The following PAK4 variants were observed in gnomAD, a reference collection of about 807,000 sequenced individuals.
PAK4 encodes serine/threonine-protein kinase PAK 4.
In PAK4, 49 loss-of-function variants were observed where a neutral mutation model predicts 53.5. The ratio of observed to expected loss-of-function variants is 0.92; its 90% confidence interval spans 0.73 to 1.16. PAK4 has a LOEUF of 1.16. PAK4 is among the 50% of genes most tolerant of loss of function. The pLI is 0.00. For missense variants in PAK4, 824 were observed against 850.7 expected (o/e 0.97, Z 0.39); for synonymous variants, 376 against 375.6 (o/e 1.00, Z -0.01).
At chr19:39,176,669 A>G in exon 7 of PAK4, 2 of 1,613,036 alleles carry the variant, frequency 1.2e-6, no homozygotes, top group Non-Finnish European at 1.7e-6. Flanking sequence ...GGCACGCCCT[A>G]CTGGATGGCC....
downstream of PAK4, chr19:39,181,620 CCCTT>C (rs2074701335): frequency 6.6e-6 from 1 of 152,372 alleles, no homozygotes; most frequent in Non-Finnish European, 1.5e-5. Flanking sequence ...TCCTGGCAGA[CCCTT>C]CCTGACCCCA....
intron 1 of PAK4, among the ~76,000 whole-genome samples, chr19:39,151,794 A>C (rs1355806696): frequency 6.6e-6 from 1 of 152,196 alleles, no homozygotes; most frequent in Non-Finnish European, 1.5e-5. Context: ...TTTTTTTGAG[A>C]TGGACTCTCT....
At chr19:39,139,186 G>C (rs565620811) in intron 1 of PAK4, among the ~76,000 whole-genome samples, 107 of 152,316 alleles carry the variant, frequency 7.0e-4, no homozygotes, top group Non-Finnish European at 1.1e-3. Flanking sequence ...TATTCTGTGG[G>C]TCTTGGCTTA....
intron 1 of PAK4, among the ~76,000 whole-genome samples, chr19:39,160,076 A>G (rs1440709901): frequency 6.6e-6 from 1 of 152,210 alleles, no homozygotes; most frequent in Non-Finnish European, 1.5e-5. Flanking sequence ...GGGCGTTCAC[A>G]GTGGGGGTAC....
exon 2 of PAK4, chr19:39,169,648 T>C (rs1369491877): frequency 6.2e-7 from 1 of 1,613,102 alleles, no homozygotes. Context: ...GAGCAGAAGT[T>C]CACGGGGCTG....
chr19:39,159,078 A>G (rs1262233333), intron 1 of PAK4, among the ~76,000 whole-genome samples: 4 of 152,186 alleles, frequency 2.6e-5, no homozygotes, highest in South Asian at 4.1e-4. Context: ...GGTAGGGACT[A>G]TCACTACCCC....
intron 1 of PAK4, among the ~76,000 whole-genome samples, chr19:39,140,717 T>C (rs1010808971): frequency 3.3e-5 from 5 of 152,202 alleles, no homozygotes. Flanking sequence ...CCTACCCCTC[T>C]CCAGCGAAGG....
chr19:39,138,468 C>A (rs971984409), intron 1 of PAK4, among the ~76,000 whole-genome samples: 2 of 152,364 alleles, frequency 1.3e-5, no homozygotes, highest in Middle Eastern at 3.4e-3. Context: ...AATCCATGAA[C>A]GTGGTATGTC....
In PAK4 at chr19:39,173,147, G is replaced by A. The variant is rs751472331; in HGVS notation, c.434G>A (p.Gly145Asp). ...CGGTTCGCCGGTCACAGCGAGGCGG[G>A]TGGCGGCAGTGGTGACAGGCGACGG... The change falls in exon 3 of 9, where the codon GGT becomes GAT. Residue 145 changes from glycine (G) to aspartate (D), a missense_variant. Physicochemically the swap from Gly to Asp is moderately conservative, Grantham distance 94. Coordinates refer to ENST00000358301, the Ensembl canonical transcript of PAK4. This position sits in a 1 kb window ranked among gnomAD's most constrained non-coding sequence, Gnocchi z 6.9. The A allele has an allele frequency of 2.4e-5, 37 of 1,542,082 alleles. No individual in the cohort carries two copies. The highest frequency in any genetic ancestry group is 4.0e-5 in the Admixed American group (2 of 50,502).
chr19:39,172,211 C>G, intron 2 of PAK4, among the ~76,000 whole-genome samples: 1 of 151,380 alleles, frequency 6.6e-6, no homozygotes, highest in South Asian at 2.1e-4. Context: ...AGCGGAGAGG[C>G]CCTGGGCGCA....
At position 39,173,497 on chromosome 19, in the gene PAK4, C is replaced by T. The variant is rs2074532008; in HGVS notation, c.664-79C>T. On this transcript the variant is annotated intron_variant, in intron 3 of 8. Coordinates refer to ENST00000358301, the Ensembl canonical transcript of PAK4. This position sits in a 1 kb window ranked among gnomAD's most constrained non-coding sequence, Gnocchi z 6.9. ...CTGACCACCCATGTGTCTGTCCCAT[C>T]GCTGGGTCTCTCTCCTGCTTAGGGA... is the stretch of plus-strand genomic sequence containing the variant. 52 of 1,362,892 alleles carry T rather than the reference C, an allele frequency of 3.8e-5. No homozygotes were observed. The highest frequency in any genetic ancestry group is 4.9e-5 in the Non-Finnish European group (49 of 1,001,024). The allele number at this position is 1,362,892 out of a possible 1,614,324, so 84.4% of individuals were successfully genotyped here.
At chr19:39,130,370 G>C (rs2073685369) in intron 1 of PAK4, among the ~76,000 whole-genome samples, 1 of 152,054 alleles carries the variant, frequency 6.6e-6, no homozygotes, top group Admixed American at 6.5e-5. Context: ...GGACTGGGAT[G>C]GAGGCGCAGG....
chr19:39,153,138 A>G (rs559096481), intron 1 of PAK4, among the ~76,000 whole-genome samples: 1 of 152,198 alleles, frequency 6.6e-6, no homozygotes, highest in Non-Finnish European at 1.5e-5. Flanking sequence ...AGCAAAACCA[A>G]TTACTATAAA....
chr19:39,165,195 G>GATGATAATAATA (rs1364745681), intron 1 of PAK4, among the ~76,000 whole-genome samples: 30 of 128,438 alleles, frequency 2.3e-4, no homozygotes, highest in African/African-American at 7.4e-4. Flanking sequence ...TGATGATGAT[G>GATGATAATAATA]ATAATAATAA....
chr19:39,149,864 T>C lies in PAK4; in HGVS notation c.-22-19668T>C, dbSNP rs531579929. On this transcript the variant is annotated intron_variant, in intron 1 of 8. Transcript: ENST00000358301. ...GAGAGAGACTCTGTCTCTAAATAAA[T>C]AAATAATAAAATATATGTTTATGTA... 3.9e-5 allele frequency among the ~76,000 whole-genome samples: 6 copies of C among 151,978 alleles called. No individual in the cohort carries two copies. The East Asian group carries it at 1.2e-3, about 29-fold the overall frequency.
At chr19:39,142,667 T>G (rs1285152759) in intron 1 of PAK4, among the ~76,000 whole-genome samples, 1 of 152,158 alleles carries the variant, frequency 6.6e-6, no homozygotes, top group Non-Finnish European at 1.5e-5. Context: ...GCCACAGGCT[T>G]CCAGCTGAGA....
intron 1 of PAK4, chr19:39,135,353 T>TTTTTA (rs2073792453): frequency 1.0e-5 from 1 of 99,658 alleles, no homozygotes. Flanking sequence ...TTTTTTTTTT[T>TTTTTA]GAGATGGAGC....
intron 1 of PAK4, among the ~76,000 whole-genome samples, chr19:39,127,397 T>C (rs1440342987): frequency 6.6e-6 from 1 of 152,000 alleles, no homozygotes. Flanking sequence ...GACGGGTCGC[T>C]CACTCTCAGC....
chr19:39,147,954 C>T (rs1377515602), intron 1 of PAK4, among the ~76,000 whole-genome samples: 6 of 111,802 alleles, frequency 5.4e-5, no homozygotes, highest in African/African-American at 1.5e-4. Context: ...TATTCTCTCT[C>T]TTTTTTTTTT....
Sources: gnomAD v4.1 joint callset for allele counts (sites outside exome capture counted in the v4.1 genomes callset) on GRCh38, gnomAD v4.1.1 for gene constraint, Gnocchi (gnomAD v3.1) non-coding constraint, MANE v1.5 for transcripts, NCBI Gene and HGNC (gene_info 2026-07-23, HGNC 2026-07-21) for gene names.